The following CACNA1A variants were observed in gnomAD, a reference collection of about 807,000 sequenced individuals.
CACNA1A encodes calcium voltage-gated channel subunit alpha1 A, also known as voltage-dependent P/Q-type calcium channel subunit alpha-1A.
A neutral mutation model predicts 262.4 loss-of-function variants in CACNA1A; 57 were observed. The ratio of observed to expected loss-of-function variants is 0.22; its 90% CI spans 0.18 to 0.27. CACNA1A has a LOEUF of 0.27. CACNA1A is among the 10% of genes least tolerant of loss of function. The pLI is 1.00. For missense variants in CACNA1A, 2,526 were observed against 3,562.8 expected, an observed-to-expected ratio of 0.71 and a Z score of 7.41; for synonymous variants, 1,431 against 1,419.3, an observed-to-expected ratio of 1.01 and a Z score of -0.18.
chr19:13,228,843 G>T, intron 36 of CACNA1A: 1 of 1,082,692 alleles, frequency 9.2e-7, no homozygotes, highest in Non-Finnish European at 1.4e-6. Flanking sequence ...GTTCACACGG[G>T]CTCCCTGGGC....
At chr19:13,278,206 A>G (rs1178778805) in intron 22 of CACNA1A, among the ~76,000 whole-genome samples, 1 of 151,984 alleles carries the variant, frequency 6.6e-6, no homozygotes, top group Non-Finnish European at 1.5e-5. Context: ...CCTGCTTACA[A>G]TCCTCCGTGG....
At chr19:13,474,593 C>T (rs200058560) in intron 1 of CACNA1A, among the ~76,000 whole-genome samples, 12 of 152,162 alleles carry the variant, frequency 7.9e-5, no homozygotes, top group Non-Finnish European at 1.0e-4. Context: ...CCAAGGCGGG[C>T]GGATCACAAG....
chr19:13,236,468 G>A lies in CACNA1A; in HGVS notation c.4951-738C>T, dbSNP rs1341270006. On this transcript the variant is annotated intron_variant, in intron 31 of 46. Transcript: ENST00000360228. The surrounding 1 kb of genome is among the most constrained non-coding windows in gnomAD (Gnocchi z 4.6). ...TCTTACCCCCTTGGCGAGCGGGAATGGGGAGGACGGGAGGGAGCTGGGACT... is the reference window on the plus strand; with the variant it reads ...TCTTACCCCCTTGGCGAGCGGGAATAGGGAGGACGGGAGGGAGCTGGGACT... The A allele has an allele frequency of 6.5e-6, 1 of 153,478 alleles. No homozygotes were observed. Among genetic ancestry groups the A allele is most frequent in the African/African-American group, 2.4e-5 (1 of 41,464 alleles). 9.5% of individuals were successfully genotyped at this position (153,478 alleles called of 1,614,324 possible).
chr19:13,361,912 G>A (rs2059117664), intron 5 of CACNA1A: 1 of 152,158 alleles, frequency 6.6e-6, no homozygotes, highest in Admixed American at 6.5e-5. Flanking sequence ...TCCACGCCAT[G>A]TCCAAGTCTG....
At chr19:13,396,118 GT>G (rs1428113139) in intron 3 of CACNA1A, among the ~76,000 whole-genome samples, 1 of 152,176 alleles carries the variant, frequency 6.6e-6, no homozygotes, top group Non-Finnish European at 1.5e-5. Flanking sequence ...AATATGCCTT[GT>G]GAGTTGATTT....
chr19:13,254,770 G>A (rs2056498496), intron 29 of CACNA1A, among the ~76,000 whole-genome samples: 1 of 152,150 alleles, frequency 6.6e-6, no homozygotes, highest in South Asian at 2.1e-4. Flanking sequence ...ATGGGTGGGG[G>A]ACACTGTCAT....
Position 13,388,095 on chromosome 19 carries a change from A to G in CACNA1A, c.540-16316T>C, listed in dbSNP as rs146483002. Among the ~76,000 whole-genome samples the G allele has an allele frequency of 3.7e-3, 568 of 152,114 alleles. 2 individuals carry two copies. The highest frequency in any genetic ancestry group is 6.6e-3 in the Non-Finnish European group (451 of 68,008). On this transcript the variant is annotated intron_variant, in intron 3 of 46. Coordinates refer to ENST00000360228, the MANE Select transcript of CACNA1A (RefSeq NM_001127222.2). ...CCTGCCTCTTACAGACTCAGGCCAA[A>G]TATTTCTAAGATGGGTACCAAGGAG...
chr19:13,250,554 A>C (rs2056369963), intron 30 of CACNA1A, among the ~76,000 whole-genome samples: 1 of 151,178 alleles, frequency 6.6e-6, no homozygotes, highest in Non-Finnish European at 1.5e-5. Flanking sequence ...GCGCCACCAC[A>C]CCCAGCTAAT....
chr19:13,255,707 C>CCCTCCCTCCCTCCTTCTCTT (rs2056533859), intron 28 of CACNA1A, among the ~76,000 whole-genome samples: 1 of 102,898 alleles, frequency 9.7e-6, no homozygotes, highest in Non-Finnish European at 2.0e-5. Context: ...CTCCTTCCTT[C>CCCTCCCTCCCTCCTTCTCTT]CCTCCCTCCC....
At chr19:13,303,685 C>T (rs2057838689) in intron 16 of CACNA1A, 72 bp from the exon 17 acceptor site, 1 of 1,556,992 alleles carries the variant, frequency 6.4e-7, no homozygotes, top group Non-Finnish European at 8.9e-7. Context: ...CTGGGTCTCT[C>T]AGTACCCTCC....
At chr19:13,297,279 C>T (rs1343052917) in intron 19 of CACNA1A, among the ~76,000 whole-genome samples, 1 of 152,184 alleles carries the variant, frequency 6.6e-6, no homozygotes, top group Non-Finnish European at 1.5e-5. Flanking sequence ...TTCTGGACGA[C>T]AGTGGGGCTT....
chr19:13,472,235 T>C (rs937361858), intron 1 of CACNA1A, among the ~76,000 whole-genome samples: 1 of 152,096 alleles, frequency 6.6e-6, no homozygotes, highest in Non-Finnish European at 1.5e-5. Context: ...CCTCCCAAAG[T>C]GCTAGGATCA....
intron 1 of CACNA1A, among the ~76,000 whole-genome samples, chr19:13,503,088 G>C (rs1452593091): frequency 6.6e-6 from 1 of 152,122 alleles, no homozygotes; most frequent in Non-Finnish European, 1.5e-5. Flanking sequence ...ACACAAGAAT[G>C]TTCCCAGTGG....
intron 3 of CACNA1A, among the ~76,000 whole-genome samples, chr19:13,380,745 GTTTGTTTATTTATTTATTTA>G (rs1197258738): frequency 4.8e-4 from 69 of 142,982 alleles, no homozygotes; most frequent in African/African-American, 1.4e-3. Context: ...TTGTTTGTTT[GTTTGTTTATTTATTTATTTA>G]TTTATTTATT....
intron 1 of CACNA1A, among the ~76,000 whole-genome samples, chr19:13,477,823 C>T (rs1400748518): frequency 6.6e-6 from 1 of 152,202 alleles, no homozygotes; most frequent in Non-Finnish European, 1.5e-5. Context: ...ATAGAAGCCG[C>T]CTTTCCATTA....
In CACNA1A at chr19:13,371,809, G is replaced by C. The variant is rs17846942; in HGVS notation, c.540-30C>G. 16,527 of 1,517,100 alleles carry C rather than the reference G, an allele frequency of 0.011. 658 individuals are homozygous for C. The highest frequency in any genetic ancestry group is 0.1 in the East Asian group (4,291 of 40,964). 94.0% of individuals were successfully genotyped at this position (1,517,100 alleles called of 1,614,324 possible). A position where few individuals can be genotyped will look rare whatever the true frequency, so the allele number is the denominator to read the frequency against. ...AAGAAAGAAGCCAGAATGGAGAACA[G>C]AGGGTGGGTTTTGGGGGTCAGACAG... On this transcript the variant is annotated intron_variant, in intron 3 of 46. Transcript: ENST00000360228.
At chr19:13,402,851 T>C (rs867461590) in intron 3 of CACNA1A, among the ~76,000 whole-genome samples, 73 of 79,870 alleles carry the variant, frequency 9.1e-4, no homozygotes, top group African/African-American at 3.8e-3. Context: ...TATACACATA[T>C]ATATATACAC....
chr19:13,251,985 C>T (rs534844813), intron 30 of CACNA1A, among the ~76,000 whole-genome samples: 5 of 152,016 alleles, frequency 3.3e-5, no homozygotes, highest in Middle Eastern at 3.4e-3. Context: ...AGGGTGGTCT[C>T]GAACTCCTAG....
chr19:13,217,153 A>ACAAAAC (rs1183010125), intron 38 of CACNA1A, among the ~76,000 whole-genome samples: 2 of 152,068 alleles, frequency 1.3e-5, no homozygotes, highest in African/African-American at 4.8e-5. Context: ...TACAAAACAA[A>ACAAAAC]CAAAACCAAA....
Sources: allele counts gnomAD v4.1 joint callset (sites outside exome capture counted in the v4.1 genomes callset), GRCh38; gene constraint gnomAD v4.1.1; non-coding constraint Gnocchi (gnomAD v3.1); transcripts MANE v1.5; gene names NCBI Gene and HGNC (gene_info 2026-07-23, HGNC 2026-07-21).